Variants in MYT1L observed in about 807,000 individuals in gnomAD.
MYT1L encodes myelin transcription factor 1-like protein.
In MYT1L, 12 loss-of-function variants were observed where a neutral mutation model predicts 126.7. The observed-to-expected ratio is 0.09, with a 90% CI of 0.06 to 0.15. The LOEUF is 0.15. Among genes scored for constraint, MYT1L ranks in the 10% least tolerant of loss-of-function variants. The pLI, the probability that MYT1L is intolerant of heterozygous loss-of-function variation, is 1.00. For synonymous variants in MYT1L, 541 were observed against 604.2 expected (o/e 0.90, Z 1.53); for missense variants, 979 against 1,585.2 (o/e 0.62, Z 6.49).
At chr2:1,866,663 G>A (rs2045561351) in intron 18 of MYT1L, among the ~76,000 whole-genome samples, 1 of 66,312 alleles carries the variant, frequency 1.5e-5, no homozygotes, top group Non-Finnish European at 2.7e-5. Flanking sequence ...GAGAGAGAGG[G>A]AGAGGGAGGG....
Position 1,922,383 on chromosome 2 carries a change from C to T in MYT1L, c.1386G>A (p.Met462Ile). The change falls in exon 10 of 25, where the codon ATG (methionine) becomes ATA (isoleucine). Residue 462 changes from methionine (M) to isoleucine (I), a missense_variant. Physicochemically the swap from Met to Ile is conservative, Grantham distance 10 (BLOSUM62 1). Coordinates refer to ENST00000647738, the MANE Select transcript of MYT1L (RefSeq NM_001303052.2). The surrounding 1 kb of genome is among the most constrained non-coding windows in gnomAD (Gnocchi z 7.4). The stretch of plus-strand genomic sequence containing the variant: ...TCGGAGACTGGTCCTCATATGACCT[C>T]ATATTGTCCCTCCTCCCAGCTTCCA... ...MAMEAGRRDN[M>I]RSYEDQSPRQ... The T allele has an allele frequency of 6.2e-7, 1 of 1,613,992 alleles. No individual in the cohort carries two copies. Among genetic ancestry groups the T allele is most frequent in the Non-Finnish European group, 8.5e-7 (1 of 1,179,892 alleles).
intron 3 of MYT1L, among the ~76,000 whole-genome samples, chr2:2,134,719 T>C (rs1484892055): frequency 2.0e-5 from 3 of 152,022 alleles, no homozygotes; most frequent in African/African-American, 7.3e-5. Flanking sequence ...GATCCTGGAC[T>C]TCCAGAGTCC....
At chr2:2,187,558 A>AC (rs1302434486) in intron 2 of MYT1L, among the ~76,000 whole-genome samples, 2 of 151,782 alleles carry the variant, frequency 1.3e-5, no homozygotes, top group Non-Finnish European at 2.9e-5. Flanking sequence ...AGGAACAGGC[A>AC]CCAAACAAGC....
intron 3 of MYT1L, among the ~76,000 whole-genome samples, chr2:2,106,793 A>G (rs1291563859): frequency 6.6e-6 from 1 of 152,186 alleles, no homozygotes; most frequent in Admixed American, 6.5e-5. Flanking sequence ...CCAGTATCTT[A>G]GAGGCATTTT....
intron 3 of MYT1L, among the ~76,000 whole-genome samples, chr2:2,094,568 T>C (rs1388674798): frequency 2.6e-5 from 4 of 152,152 alleles, no homozygotes; most frequent in Admixed American, 1.3e-4. Context: ...GTGGCACATA[T>C]ACACCATGGA....
chr2:2,145,991 C>G lies in MYT1L; in HGVS notation c.-304+26881G>C, dbSNP rs989169695. Among the ~76,000 whole-genome samples the G allele has an allele frequency of 3.3e-5, 5 of 152,216 alleles. No homozygotes were observed. The South Asian group carries it at 1.0e-3, about 32-fold the overall frequency. On this transcript the variant is annotated intron_variant, in intron 3 of 24. Transcript: ENST00000647738. ...CCCCCCGATCTCATGCCAATGCTGA[C>G]GATCTGGAACACTGTGAGTGCATTT...
chr2:1,893,758 G>A (rs911173253), intron 14 of MYT1L, among the ~76,000 whole-genome samples: 14 of 152,150 alleles, frequency 9.2e-5, no homozygotes, highest in African/African-American at 3.4e-4. Flanking sequence ...TTGCTGATAC[G>A]GTCATTATGA....
intron 3 of MYT1L, among the ~76,000 whole-genome samples, chr2:2,149,813 G>A (rs1248100501): frequency 6.6e-6 from 1 of 151,504 alleles, no homozygotes; most frequent in Non-Finnish European, 1.5e-5. Context: ...CTGCAGACAA[G>A]TTGGTCTCAA....
intron 1 of MYT1L, among the ~76,000 whole-genome samples, chr2:2,316,157 A>G (rs890603136): frequency 1.3e-5 from 2 of 152,198 alleles, no homozygotes; most frequent in Non-Finnish European, 2.9e-5. Context: ...CAACCTCAAC[A>G]TGAGCTTGAT....
intron 3 of MYT1L, among the ~76,000 whole-genome samples, chr2:2,071,646 T>C (rs2074614702): frequency 1.3e-5 from 2 of 152,004 alleles, no homozygotes; most frequent in South Asian, 4.2e-4. Context: ...AATAAACTGG[T>C]GGGAAGAAAC....
chr2:2,328,468 T>C (rs2096265068), intron 1 of MYT1L, among the ~76,000 whole-genome samples: 1 of 152,208 alleles, frequency 6.6e-6, no homozygotes, highest in South Asian at 2.1e-4. Context: ...TAGGTACTCA[T>C]ATTCCTTTAA....
At chr2:1,867,242 G>A (rs1235126059) in intron 18 of MYT1L, among the ~76,000 whole-genome samples, 1 of 152,086 alleles carries the variant, frequency 6.6e-6, no homozygotes, top group Non-Finnish European at 1.5e-5. Flanking sequence ...TTGGGCGAAG[G>A]TGTGGATGAA....
In MYT1L at chr2:2,098,638, G is replaced by A. The variant is rs149135964; in HGVS notation, c.-303-44515C>T. On this transcript the variant is annotated intron_variant, in intron 3 of 24. Transcript: ENST00000647738. ...ACGCCCTGCAGACACAGGGCAGGGG[G>A]CAGCTCCACAGCAAAGAATTTCCTG... Among the ~76,000 whole-genome samples, 93 of 152,310 alleles carry A rather than the reference G, an allele frequency of 6.1e-4. 1 individual carries two copies. The East Asian group carries it at 0.017, about 28-fold the overall frequency.
At chr2:1,965,866 T>C (rs2059315119) in intron 8 of MYT1L, among the ~76,000 whole-genome samples, 1 of 152,232 alleles carries the variant, frequency 6.6e-6, no homozygotes, top group African/African-American at 2.4e-5. Context: ...GGGAAAGGCT[T>C]TGCCTGGCAT....
chr2:2,265,604 G>A lies in MYT1L; in HGVS notation c.-421+18800C>T, dbSNP rs139409424. Among the ~76,000 whole-genome samples the A allele has an allele frequency of 4.5e-4, 69 of 152,234 alleles. No homozygotes were observed. The East Asian group carries it at 0.012, about 26-fold the overall frequency. On this transcript the variant is annotated intron_variant, in intron 2 of 24. Coordinates refer to ENST00000647738, the MANE Select transcript of MYT1L (RefSeq NM_001303052.2). The stretch of plus-strand genomic sequence containing the variant: ...TGGGATGATGTCGGATGGTGCACCC[G>A]CGGCATGGGAAGAACTTCATTGTTT...
intron 2 of MYT1L, among the ~76,000 whole-genome samples, chr2:2,175,404 A>T (rs1003745687): frequency 1.3e-5 from 2 of 152,070 alleles, no homozygotes; most frequent in South Asian, 4.1e-4. Context: ...GGTAACCTGA[A>T]TCACACCTGT....
intron 3 of MYT1L, among the ~76,000 whole-genome samples, chr2:2,118,154 T>A (rs1047579925): frequency 1.1e-4 from 16 of 150,712 alleles, no homozygotes; most frequent in African/African-American, 3.9e-4. Flanking sequence ...TAATAATTTT[T>A]GAACATCTAT....
chr2:2,158,674 C>A (rs1480621375), intron 3 of MYT1L, among the ~76,000 whole-genome samples: 2 of 151,024 alleles, frequency 1.3e-5, no homozygotes, highest in South Asian at 2.1e-4. Context: ...GGTGCACACA[C>A]TGCACATACA....
At chr2:2,240,893 G>A (rs2094427118) in intron 2 of MYT1L, among the ~76,000 whole-genome samples, 1 of 152,182 alleles carries the variant, frequency 6.6e-6, no homozygotes, top group Non-Finnish European at 1.5e-5. Context: ...TAGGTCAAAA[G>A]TCATGTTGTT....
Sources: allele counts gnomAD v4.1 joint callset (sites outside exome capture counted in the v4.1 genomes callset), GRCh38; gene constraint gnomAD v4.1.1; non-coding constraint Gnocchi (gnomAD v3.1); transcripts MANE v1.5; gene names NCBI Gene and HGNC (gene_info 2026-07-23, HGNC 2026-07-21).